Variants in LEMD3 observed in about 807,000 individuals in gnomAD.
The protein encoded by LEMD3 is LEM domain containing 3, also known as inner nuclear membrane protein Man1.
In LEMD3, 33 loss-of-function variants were observed where a neutral mutation model predicts 95.2. The ratio of observed to expected loss-of-function variants is 0.35; its 90% CI spans 0.26 to 0.46. The LOEUF (loss-of-function observed/expected upper bound fraction) is 0.46, where lower values mean the gene tolerates loss of function less well. Among genes scored for constraint, LEMD3 ranks in the 20% least tolerant of loss-of-function variants. The pLI, the probability that LEMD3 is intolerant of heterozygous loss-of-function variation, is 1.00. For synonymous variants in LEMD3, 525 were observed against 474.6 expected (o/e 1.11, Z -1.38); for missense variants, 1,210 against 1,192.8 (o/e 1.01, Z -0.21).
At chr12:65,179,449 A>G (rs1319755974) in intron 1 of LEMD3, among the ~76,000 whole-genome samples, 1 of 152,232 alleles carries the variant, frequency 6.6e-6, no homozygotes, top group Non-Finnish European at 1.5e-5. Context: ...ATGGAAATTT[A>G]TAGCCTCAGT....
At chr12:65,188,161 T>C (rs926791071) in intron 1 of LEMD3, among the ~76,000 whole-genome samples, 2 of 151,932 alleles carry the variant, frequency 1.3e-5, no homozygotes, top group African/African-American at 2.4e-5. Flanking sequence ...AGGCCAGTTT[T>C]TTTTCCCCCT....
rs1259985503 is a variant in LEMD3, at chr12:65,170,515, G to C, written c.919G>C (p.Glu307Gln). ...LTAKSAGGRL[E>Q]TSVQGGGGLA... ...TGCTAAATCGGCCGGCGGCAGGCTGGAGACTTCAGTTCAGGGAGGGGGAGG... is the reference window on the plus strand; with the variant it reads ...TGCTAAATCGGCCGGCGGCAGGCTGCAGACTTCAGTTCAGGGAGGGGGAGG... Residue 307 changes from glutamate to glutamine, a missense_variant, in exon 1 of 13, where the codon GAG becomes CAG. This residue lies in a region of LEMD3 where 749 missense variants were observed against 622.9 expected (regional missense o/e 1.20). Transcript: ENST00000308330. The C allele has an allele frequency of 4.3e-6, 7 of 1,614,148 alleles. No individual in the cohort carries two copies. The highest frequency in any genetic ancestry group is 5.9e-6 in the Non-Finnish European group (7 of 1,180,024).
intron 4 of LEMD3, among the ~76,000 whole-genome samples, chr12:65,230,329 G>T (rs1050804001): frequency 6.6e-6 from 1 of 152,128 alleles, no homozygotes; most frequent in Non-Finnish European, 1.5e-5. Flanking sequence ...CTTATGTGAA[G>T]AATGTCAGTG....
intron 1 of LEMD3, among the ~76,000 whole-genome samples, chr12:65,186,776 TA>T (rs1869080821): frequency 6.6e-6 from 1 of 151,940 alleles, no homozygotes; most frequent in Non-Finnish European, 1.5e-5. Context: ...ACACAGGAGT[TA>T]AGTAAGTAAA....
At chr12:65,244,272 C>T in intron 10 of LEMD3, among the ~76,000 whole-genome samples, 1 of 140,188 alleles carries the variant, frequency 7.1e-6, no homozygotes, top group Non-Finnish European at 1.5e-5. Flanking sequence ...CACGCGCACA[C>T]ACACACACAC....
chr12:65,196,306 C>A (rs577578276), intron 1 of LEMD3, among the ~76,000 whole-genome samples: 16 of 151,980 alleles, frequency 1.1e-4, no homozygotes, highest in African/African-American at 3.9e-4. Context: ...ATTTTTGAGT[C>A]TTTTAGGAGC....
chr12:65,186,451 T>C (rs899192763), intron 1 of LEMD3, among the ~76,000 whole-genome samples: 6 of 152,016 alleles, frequency 3.9e-5, no homozygotes, highest in African/African-American at 1.4e-4. Context: ...GATAAAAATA[T>C]TACTCATTTA....
intron 1 of LEMD3, among the ~76,000 whole-genome samples, chr12:65,196,640 ATAG>A (rs1869440533): frequency 6.6e-6 from 1 of 152,130 alleles, no homozygotes; most frequent in Non-Finnish European, 1.5e-5. Flanking sequence ...TAGACCCAAT[ATAG>A]TCTCTGTCAT....
chr12:65,205,880 G>A (rs1015084372), intron 1 of LEMD3, among the ~76,000 whole-genome samples: 3 of 152,044 alleles, frequency 2.0e-5, no homozygotes, highest in South Asian at 2.1e-4. Flanking sequence ...TTTTGATTAT[G>A]TAATCTCAAT....
In LEMD3 at chr12:65,212,903, CAGTA is replaced by C. The variant is rs750802760; in HGVS notation, c.1560+1948_1560+1951del. On this transcript the variant is annotated intron_variant, in intron 2 of 12. Coordinates refer to ENST00000308330, the MANE Select transcript of LEMD3 (RefSeq NM_014319.5). The stretch of plus-strand genomic sequence containing the variant: ...AGAAGAGTGTAATCAAACTGTAAAC[CAGTA>C]AGTAAGTTTAAAAGTTGATTTGTAT... Among the ~76,000 whole-genome samples the C allele has an allele frequency of 8.5e-5, 13 of 152,196 alleles. 1 individual carries two copies. Among genetic ancestry groups the C allele is most frequent in the Admixed American group, 4.6e-4 (7 of 15,284 alleles).
Position 65,184,347 on chromosome 12 carries a change from A to G in LEMD3, c.1522+13229A>G, listed in dbSNP as rs1371489866. Among the ~76,000 whole-genome samples the G allele has an allele frequency of 2.6e-5, 4 of 152,198 alleles. No homozygotes were observed. The East Asian group carries it at 5.8e-4, about 22-fold the overall frequency. ...GTTTGAACTTGGAGCATGTTTTACT[A>G]CACTGGTTTTAAGTTCCTGGGCTAG... On this transcript the variant is annotated intron_variant, in intron 1 of 12. Transcript: ENST00000308330.
chr12:65,191,363 AC>A (rs1183957527), intron 1 of LEMD3, among the ~76,000 whole-genome samples: 1 of 152,122 alleles, frequency 6.6e-6, no homozygotes, highest in Non-Finnish European at 1.5e-5. Flanking sequence ...CAGTATTTTA[AC>A]ATAAAAATCA....
At chr12:65,209,328 T>C (rs956757165) in intron 1 of LEMD3, among the ~76,000 whole-genome samples, 1 of 152,150 alleles carries the variant, frequency 6.6e-6, no homozygotes, top group African/African-American at 2.4e-5. Flanking sequence ...CTTTTTTTCA[T>C]AGACATTAAA....
chr12:65,242,666 A>G (rs2136356482), intron 9 of LEMD3, among the ~76,000 whole-genome samples: 1 of 152,200 alleles, frequency 6.6e-6, no homozygotes, highest in East Asian at 1.9e-4. Context: ...TGTCACTTGC[A>G]CTGTTGGCCT....
At position 65,247,658 on chromosome 12, in the gene LEMD3, C is replaced by G. The variant is rs1360521829; in HGVS notation, c.*1333C>G. Reference sequence around the variant, plus strand: ...CAGTCCAAATGAATATGTGAAACAGCTGGAATTGTACAAATTTTGGTTGTA... The same window carrying G: ...CAGTCCAAATGAATATGTGAAACAGGTGGAATTGTACAAATTTTGGTTGTA... On this transcript the variant is annotated 3_prime_UTR_variant, in exon 13 of 13. Coordinates refer to ENST00000308330, the MANE Select transcript of LEMD3 (RefSeq NM_014319.5). The G allele has an allele frequency of 6.6e-6, 1 of 152,446 alleles. No individual in the cohort carries two copies. Among genetic ancestry groups the G allele is most frequent in the East Asian group, 1.9e-4 (1 of 5,202 alleles). The allele number at this position is 152,446 out of a possible 1,614,324, so 9.4% of individuals were successfully genotyped here. A position where few individuals can be genotyped will look rare whatever the true frequency, so the allele number is the denominator to read the frequency against.
Position 65,216,251 on chromosome 12 carries a change from A to AAT in LEMD3, c.1627+220_1627+221dup, listed in dbSNP as rs1008643226. ...CCTGCCTGCCATCTGTATTAGAGGT[A>AAT]ATATATATATATAATATAGTTATAA... On this transcript the variant is annotated intron_variant, in intron 3 of 12. Transcript: ENST00000308330. Among the ~76,000 whole-genome samples, 13 of 151,080 alleles carry AAT rather than the reference A, an allele frequency of 8.6e-5. 1 individual carries two copies. Among genetic ancestry groups the AAT allele is most frequent in the Admixed American group, 4.0e-4 (6 of 15,156 alleles).
At chr12:65,242,762 G>T (rs1870974187) in intron 9 of LEMD3, among the ~76,000 whole-genome samples, 1 of 152,022 alleles carries the variant, frequency 6.6e-6, no homozygotes, top group Non-Finnish European at 1.5e-5. Flanking sequence ...ATTCACTTCT[G>T]CTTTTACCTG....
chr12:65,180,497 A>C (rs185185626), intron 1 of LEMD3, among the ~76,000 whole-genome samples: 43 of 152,042 alleles, frequency 2.8e-4, no homozygotes, highest in Non-Finnish European at 5.3e-4. Flanking sequence ...TATATTTCTT[A>C]GGAAATTAGC....
Position 65,203,121 on chromosome 12 carries a change from A to G in LEMD3, c.1523-7805A>G, listed in dbSNP as rs1050598609. Among the ~76,000 whole-genome samples the G allele has an allele frequency of 2.0e-5, 3 of 152,122 alleles. No individual in the cohort carries two copies. In the East Asian group the frequency reaches 5.8e-4, roughly 29 times the overall value. ...TTCTCTTCCTAATTTTCCAAGGTGG[A>G]AGCTTATAAATGATATTAGGTCTTT... On this transcript the variant is annotated intron_variant, in intron 1 of 12. Transcript: ENST00000308330.
Sources: allele counts gnomAD v4.1 joint callset (sites outside exome capture counted in the v4.1 genomes callset), GRCh38; gene constraint gnomAD v4.1.1; regional missense constraint gnomAD v4.1.1; transcripts MANE v1.5; gene names NCBI Gene and HGNC (gene_info 2026-07-23, HGNC 2026-07-21).